Variants in CNKSR1 observed in about 807,000 individuals in gnomAD.
CNKSR1 encodes CNK homolog protein 1.
Under a neutral mutation model 95.6 loss-of-function variants are expected in CNKSR1, and 88 were observed. The ratio of observed to expected loss-of-function variants is 0.92; its 90% confidence interval spans 0.78 to 1.10. The LOEUF is 1.10. CNKSR1 is among the 50% of genes least tolerant of loss of function. CNKSR1 has a pLI of 0.00. For missense variants in CNKSR1, 836 were observed against 912.0 expected (o/e 0.92, Z 1.07); for synonymous variants, 355 against 369.7 (o/e 0.96, Z 0.46).
In CNKSR1 at chr1:26,180,808, G is replaced by C. The variant is rs1030370608; in HGVS notation, c.304G>C (p.Gly102Arg). 5 of 1,614,118 alleles carry C rather than the reference G, an allele frequency of 3.1e-6. No individual in the cohort carries two copies. In the Admixed American group the frequency reaches 8.3e-5, roughly 27 times the overall value. The change falls in exon 3 of 21, where the codon GGG becomes CGG. Residue 102 changes from glycine to arginine, a missense_variant. By Grantham distance (125) the Gly-to-Arg change is moderately radical. Transcript: ENST00000361530. ...CCAGAGCATAGTCCAAGGCTGCCTG[G>C]GGGACTGTGCCAAGACCCCTATTGA... ...DFQSIVQGCL[G>R]DCAKTPIDVL...
At chr1:26,180,334 G>A (rs2088622474) in intron 1 of CNKSR1, 119 bp from the exon 2 acceptor site, 1 of 1,237,846 alleles carries the variant, frequency 8.1e-7, no homozygotes, top group South Asian at 1.2e-5. Flanking sequence ...GAACAGCCTG[G>A]GTGTCAGAGT....
chr1:26,185,554 A>G (rs2124513886), intron 14 of CNKSR1, among the ~76,000 whole-genome samples: 1 of 151,978 alleles, frequency 6.6e-6, no homozygotes, highest in South Asian at 2.1e-4. Context: ...CACAACGCCC[A>G]GCATATTTTT....
In CNKSR1 at chr1:26,189,392, G is replaced by C. The variant is rs371562388; in HGVS notation, c.1986G>C (p.Leu662=). ...EQNRELYSEG[L]GAWGVAQAEG... ...ACCGGGAGCTGTACTCAGAGGGCCTGGGGGCCTGGGGAGTGGCACAGGCTG... is the reference window on the plus strand; with the variant it reads ...ACCGGGAGCTGTACTCAGAGGGCCTCGGGGCCTGGGGAGTGGCACAGGCTG... Residue 662 remains leucine, a synonymous_variant, in exon 21 of 21, where the codon CTG becomes CTC. Transcript: ENST00000361530. 4.0e-5 allele frequency: 65 copies of C among 1,613,818 alleles called. No homozygotes were observed. The highest frequency in any genetic ancestry group is 5.4e-5 in the Non-Finnish European group (64 of 1,179,802).
intron 2 of CNKSR1, 30 bp downstream of exon 2, chr1:26,180,640 G>A (rs1557619445): frequency 6.2e-7 from 1 of 1,614,116 alleles, no homozygotes; most frequent in Admixed American, 1.7e-5. Flanking sequence ...ACTGGCTGCA[G>A]CTTCCACCAA....
intron 11 of CNKSR1, 50 bp from the exon 12 acceptor site, chr1:26,184,351 C>T: frequency 9.3e-6 from 15 of 1,604,454 alleles, no homozygotes; most frequent in Non-Finnish European, 1.3e-5. Flanking sequence ...TGACCCCAAG[C>T]CTGGGACTGG....
rs541968315 is a variant in CNKSR1 at position 26,187,254 on chromosome 1, G to T, written c.1382+13G>T. ...AGAAGAAGAAATAGTTAAGTCTTGG[G>T]GTGTGATGGGCTGGGGGATGGAGAC... On this transcript the variant is annotated intron_variant, in intron 15 of 20. Transcript: ENST00000361530. The T allele has an allele frequency of 6.2e-7, 1 of 1,609,912 alleles. No homozygotes were observed. Among genetic ancestry groups the T allele is most frequent in the South Asian group, 1.1e-5 (1 of 90,982 alleles).
intron 20 of CNKSR1, 23 bp from the exon 21 acceptor site, chr1:26,189,256 C>T (rs1375344539): frequency 6.2e-7 from 1 of 1,613,796 alleles, no homozygotes; most frequent in Non-Finnish European, 8.5e-7. Context: ...ATCATGGTCC[C>T]TTAGCCCCTC....
chr1:26,188,370 G>C, intron 17 of CNKSR1, 63 bp downstream of exon 17: 5 of 1,609,778 alleles, frequency 3.1e-6, no homozygotes, highest in Non-Finnish European at 4.2e-6. Flanking sequence ...TTCCTGGGAT[G>C]GGGGCTAGGA....
rs939809641 is a variant in CNKSR1, at chr1:26,188,653, C to T, written c.1646C>T (p.Thr549Ile). Residue 549 changes from threonine to isoleucine, a missense_variant, in exon 19 of 21, where the codon ACC becomes ATC. Physicochemically the swap from Thr to Ile is moderately conservative, Grantham distance 89. Transcript: ENST00000361530. ...PLHGDTSPAATPTQRSPRTSF... is the reference protein window; with the variant it reads ...PLHGDTSPAAIPTQRSPRTSF... ...CATGGAGACACATCACCTGCAGCCACCCCCACACAGCGCAGCCCACGGACC... is the reference window on the plus strand; with the variant it reads ...CATGGAGACACATCACCTGCAGCCATCCCCACACAGCGCAGCCCACGGACC... 176 of 1,613,708 alleles carry T rather than the reference C, an allele frequency of 1.1e-4. No individual in the cohort carries two copies. The highest frequency in any genetic ancestry group is 1.5e-4 in the Non-Finnish European group (173 of 1,179,912).
At position 26,187,424 on chromosome 1, in the gene CNKSR1, A is replaced by G. The variant is rs769776132; in HGVS notation, c.1396A>G (p.Thr466Ala). 8 of 1,613,808 alleles carry G rather than the reference A, an allele frequency of 5.0e-6. No individual in the cohort carries two copies. Among genetic ancestry groups the G allele is most frequent in the Non-Finnish European group, 6.8e-6 (8 of 1,179,936 alleles). The stretch of plus-strand genomic sequence containing the variant: ...ACTACCTGGCAGTGTGTTTCAGCTC[A>G]CCCATGATGTGTACAAACCCTTCAT... ...DQKKKYVFQLTHDVYKPFIFA... is the reference protein window; with the variant it reads ...DQKKKYVFQLAHDVYKPFIFA... The change falls in exon 16 of 21, where the codon ACC (threonine) becomes GCC (alanine). Residue 466 changes from threonine to alanine, a missense_variant. By Grantham distance (58) the Thr-to-Ala change is moderately conservative. Transcript: ENST00000361530.
chr1:26,184,669 C>A, intron 13 of CNKSR1, 57 bp downstream of exon 13: 1 of 1,549,704 alleles, frequency 6.5e-7, no homozygotes. Context: ...TGTTAAAAAT[C>A]TTTACATGCT....
Position 26,188,476 on chromosome 1 carries a change from C to T in CNKSR1, c.1563C>T (p.Asp521=), listed in dbSNP as rs1285026549. ...CYSETEAEDP[D]DEAGSHSASP... ...GTGAGACCGAAGCAGAGGACCCGGA[C>T]GATGAGGCTGGGTCCCACTCAGCCT... The change falls in exon 18 of 21, where the codon GAC becomes GAT. Residue 521 remains aspartate (D), a synonymous_variant. Coordinates refer to ENST00000361530, the MANE Select transcript of CNKSR1 (RefSeq NM_006314.3). 1.3e-5 allele frequency: 21 copies of T among 1,605,066 alleles called. No individual in the cohort carries two copies. Among genetic ancestry groups the T allele is most frequent in the Non-Finnish European group, 1.8e-5 (21 of 1,175,998 alleles).
chr1:26,180,921 A>T, intron 3 of CNKSR1, 25 bp downstream of exon 3: 1 of 1,613,848 alleles, frequency 6.2e-7, no homozygotes, highest in Non-Finnish European at 8.5e-7. Context: ...GTGACGAGTG[A>T]GGGACTATTG....
At position 26,182,378 on chromosome 1, in the gene CNKSR1, G is replaced by A. The variant is rs1481316484; in HGVS notation, c.495G>A (p.Glu165=). The A allele has an allele frequency of 6.2e-7, 1 of 1,614,090 alleles. No homozygotes were observed. Among genetic ancestry groups the A allele is most frequent in the African/African-American group, 1.3e-5 (1 of 75,028 alleles). Residue 165 remains glutamate (E), a synonymous_variant, in exon 5 of 21, where the codon GAG becomes GAA. Coordinates refer to ENST00000361530, the MANE Select transcript of CNKSR1 (RefSeq NM_006314.3). Reference sequence around the variant, plus strand: ...ACTTCCAGGATGGTCCAGCGGCTGAGAAGGAGGGCACAGTCCTGAGGATCG... The same window carrying A: ...ACTTCCAGGATGGTCCAGCGGCTGAAAAGGAGGGCACAGTCCTGAGGATCG... ...QVLHEDGPAA[E]KEGTVLRICS... is the part of the protein sequence containing the mutation.
chr1:26,185,251 T>C, intron 14 of CNKSR1, 65 bp downstream of exon 14: 1 of 1,467,740 alleles, frequency 6.8e-7, no homozygotes, highest in Non-Finnish European at 9.3e-7. Flanking sequence ...TTCTCATCTC[T>C]ATTCTATCAT....
chr1:26,183,866 A>ACC, intron 9 of CNKSR1, 36 bp downstream of exon 9: 1 of 439,780 alleles, frequency 2.3e-6, no homozygotes, highest in Admixed American at 3.7e-5. Context: ...CTGCCTTCAG[A>ACC]CCCCCCCCTC....
At chr1:26,185,292 G>A (rs144378916) in intron 14 of CNKSR1, 106 bp downstream of exon 14, 2 of 1,205,884 alleles carry the variant, frequency 1.7e-6, no homozygotes, top group East Asian at 2.6e-5. Flanking sequence ...AGGCTTTGAT[G>A]TCCCCATCTG....
chr1:26,183,492 C>G (rs2088682335), intron 8 of CNKSR1, 78 bp downstream of exon 8: 5 of 1,487,848 alleles, frequency 3.4e-6, no homozygotes, highest in Non-Finnish European at 4.7e-6. Context: ...GGGAGGCAAC[C>G]AAGGGTTCTG....
chr1:26,183,208 T>C lies in CNKSR1; in HGVS notation c.636T>C (p.Ile212=). The change falls in exon 7 of 21, where the codon ATT becomes ATC. Residue 212 remains isoleucine, a synonymous_variant. Transcript: ENST00000361530. ...VQLDSPLGLE[I]HTTSNCQHFV... ...CTCTGCCTCTGCAGGGCCTAGAAAT[T>C]CACACCACCAGCAATTGCCAGCACT... 1 of 1,613,890 alleles carries C rather than the reference T, an allele frequency of 6.2e-7. No individual in the cohort carries two copies. The highest frequency in any genetic ancestry group is 8.5e-7 in the Non-Finnish European group (1 of 1,179,986).
Sources: allele counts gnomAD v4.1 joint callset (sites outside exome capture counted in the v4.1 genomes callset), GRCh38; gene constraint gnomAD v4.1.1; transcripts MANE v1.5; gene names NCBI Gene and HGNC (gene_info 2026-07-23, HGNC 2026-07-21).